BPI: variants seen among roughly 807,000 people sequenced by gnomAD.
BPI encodes bactericidal permeability increasing protein.
Under a neutral mutation model 57.6 loss-of-function variants are expected in BPI, and 48 were observed. That is an observed-to-expected ratio of 0.83 (90% CI 0.66 to 1.06). The LOEUF (loss-of-function observed/expected upper bound fraction) is 1.06. BPI is among the 50% of genes least tolerant of loss of function. The pLI is 0.00. For missense variants in BPI, 651 were observed against 609.7 expected (o/e 1.07, Z -0.71); for synonymous variants, 237 against 238.2 (o/e 0.99, Z 0.05).
chr20:38,324,088 C>A (rs752153243), intron 8 of BPI, 42 bp downstream of exon 8: 8 of 1,596,502 alleles, frequency 5.0e-6, no homozygotes, highest in East Asian at 2.2e-5. Flanking sequence ...AGCACTGGAC[C>A]CAGAATCCTG....
chr20:38,320,622 A>G (rs2076676727), intron 7 of BPI, among the ~76,000 whole-genome samples: 1 of 146,446 alleles, frequency 6.8e-6, no homozygotes, highest in Non-Finnish European at 1.5e-5. Flanking sequence ...TCGCTGAAAT[A>G]GCTCTCTCCT....
chr20:38,317,666 A>G lies in BPI; in HGVS notation c.601-747A>G. 2.6e-6 allele frequency: 2 copies of G among 770,034 alleles called. 1 individual carries two copies. The highest frequency in any genetic ancestry group is 2.9e-5 in the South Asian group (2 of 68,620). 47.7% of individuals were successfully genotyped at this position (770,034 alleles called of 1,614,324 possible). A position where few individuals can be genotyped will look rare whatever the true frequency, so the allele number is the denominator to read the frequency against. ...TCGGCAAGCCCAGATTCTAGTGGCA[A>G]GTTCACAGACTCCATCTCTTGGTGG... On this transcript the variant is annotated intron_variant, in intron 5 of 14. Coordinates refer to ENST00000642449, the MANE Select transcript of BPI (RefSeq NM_001725.3).
At chr20:38,311,205 A>C (rs2076620350) in intron 4 of BPI, among the ~76,000 whole-genome samples, 1 of 152,226 alleles carries the variant, frequency 6.6e-6, no homozygotes, top group African/African-American at 2.4e-5. Flanking sequence ...GATAGGCAAT[A>C]ACTTAAGTTG....
intron 5 of BPI, chr20:38,317,871 T>C: frequency 6.8e-7 from 1 of 1,473,756 alleles, no homozygotes; most frequent in Non-Finnish European, 9.0e-7. Flanking sequence ...TTGTGAGTCA[T>C]GGGCTAGGGG....
chr20:38,320,776 A>AC (rs898209738), intron 7 of BPI, among the ~76,000 whole-genome samples: 5 of 150,706 alleles, frequency 3.3e-5, no homozygotes, highest in African/African-American at 1.2e-4. Context: ...CATGTGCAGC[A>AC]CCTAGACCAA....
rs536372781 is a variant in BPI at position 38,320,060 on chromosome 20, A to C, written c.665-123A>C. 1.7e-5 allele frequency: 14 copies of C among 801,798 alleles called. No homozygotes were observed. The South Asian group carries it at 1.9e-4, about 11-fold the overall frequency. The allele number at this position is 801,798 out of a possible 1,614,324, so 49.7% of individuals were successfully genotyped here. A position where few individuals can be genotyped will look rare whatever the true frequency, so the allele number is the denominator to read the frequency against. On this transcript the variant is annotated intron_variant, in intron 6 of 14. Transcript: ENST00000642449. ...CTCCCTTAAGGAGAGCTCCCTGGAGAAGGTGGGAATGAAACTTGCACTGCA... is the reference window on the plus strand; with the variant it reads ...CTCCCTTAAGGAGAGCTCCCTGGAGCAGGTGGGAATGAAACTTGCACTGCA...
intron 8 of BPI, 111 bp downstream of exon 8, chr20:38,324,157 T>G: frequency 7.6e-7 from 1 of 1,317,022 alleles, no homozygotes; most frequent in African/African-American, 1.5e-5. Flanking sequence ...GTTAAAGTGT[T>G]GACTCTAGAG....
chr20:38,326,291 G>C lies in BPI; in HGVS notation c.1020G>C (p.Lys340Asn), dbSNP rs1825985409. ...PEVAKKFPNM[K>N]IQIHVSASTP... Reference sequence around the variant, plus strand: ...TGGCCAAGAAGTTTCCCAACATGAAGATACAGATCCATGTCTCAGCCTCCA... The same window carrying C: ...TGGCCAAGAAGTTTCCCAACATGAACATACAGATCCATGTCTCAGCCTCCA... Residue 340 changes from lysine to asparagine, a missense_variant, in exon 10 of 15, where the codon AAG becomes AAC. Coordinates refer to ENST00000642449, the MANE Select transcript of BPI (RefSeq NM_001725.3). The C allele has an allele frequency of 6.2e-7, 1 of 1,613,356 alleles. No individual in the cohort carries two copies. Among genetic ancestry groups the C allele is most frequent in the Non-Finnish European group, 8.5e-7 (1 of 1,179,738 alleles).
At chr20:38,315,200 G>A (rs1369475765) in intron 5 of BPI, among the ~76,000 whole-genome samples, 1 of 152,166 alleles carries the variant, frequency 6.6e-6, no homozygotes, top group Admixed American at 6.5e-5. Flanking sequence ...GATACAGAAA[G>A]TGGAAGTAAT....
intron 7 of BPI, among the ~76,000 whole-genome samples, chr20:38,321,054 A>AGTGGGTGG: frequency 6.3e-4 from 1 of 1,594 alleles, no homozygotes; most frequent in Non-Finnish European, 1.1e-3. Context: ...GGCGGATGTA[A>AGTGGGTGG]AGGTAGGTGG....
In BPI at chr20:38,308,096, A is replaced by G. The variant is rs111665301; in HGVS notation, c.245+415A>G. Among the ~76,000 whole-genome samples, 77 of 152,240 alleles carry G rather than the reference A, an allele frequency of 5.1e-4. 1 individual carries two copies. The highest frequency in any genetic ancestry group is 1.7e-3 in the African/African-American group (72 of 41,532). ...CCACCTCTCAGCATCACTTCCTTGGACAGGCCTAATTCGCAGGCAGTGTGT... is the reference window on the plus strand; with the variant it reads ...CCACCTCTCAGCATCACTTCCTTGGGCAGGCCTAATTCGCAGGCAGTGTGT... On this transcript the variant is annotated intron_variant, in intron 2 of 14. Transcript: ENST00000642449.
At chr20:38,329,625 A>G (rs2076732369) in intron 11 of BPI, among the ~76,000 whole-genome samples, 2 of 152,308 alleles carry the variant, frequency 1.3e-5, no homozygotes, top group South Asian at 4.1e-4. Flanking sequence ...CTGACTCTTG[A>G]GGAGCAAGGG....
chr20:38,311,991 C>A, intron 5 of BPI, 54 bp downstream of exon 5: 3 of 1,538,266 alleles, frequency 2.0e-6, no homozygotes, highest in Non-Finnish European at 2.7e-6. Flanking sequence ...CCCTTAGTAA[C>A]CACACACCTC....
At chr20:38,308,804 T>G in intron 2 of BPI, 126 bp from the exon 3 acceptor site, 1 of 1,308,000 alleles carries the variant, frequency 7.6e-7, no homozygotes, top group Non-Finnish European at 1.1e-6. Context: ...TTTGGGCTCC[T>G]CCTGGAATGG....
rs570718035 is a variant in BPI at position 38,337,307 on chromosome 20, G to A, written c.*123G>A. 24 of 780,700 alleles carry A rather than the reference G, an allele frequency of 3.1e-5. No homozygotes were observed. In the Admixed American group the frequency reaches 5.6e-4, roughly 18 times the overall value. The allele number at this position is 780,700 out of a possible 1,614,324, so 48.4% of individuals were successfully genotyped here. On this transcript the variant is annotated 3_prime_UTR_variant, in exon 15 of 15. Coordinates refer to ENST00000642449, the MANE Select transcript of BPI (RefSeq NM_001725.3). ...CCAAGAGCCCCTTGCAAACTTCTTC[G>A]ACTCAGATTCAGAAATGATCTAAAC...
intron 1 of BPI, among the ~76,000 whole-genome samples, chr20:38,306,731 G>A (rs978827590): frequency 2.6e-5 from 4 of 152,172 alleles, no homozygotes; most frequent in African/African-American, 9.7e-5. Context: ...GTGTAGCATA[G>A]AGCAAATAAC....
Position 38,326,366 on chromosome 20 carries a change from C to T in BPI, c.1095C>T (p.Ala365=), listed in dbSNP as rs144501421. 2.4e-5 allele frequency: 38 copies of T among 1,614,150 alleles called. No homozygotes were observed. Among genetic ancestry groups the T allele is most frequent in the East Asian group, 1.3e-4 (6 of 44,876 alleles). ...VQPTGLTFYP[A]VDVQAFAVLP... The stretch of plus-strand genomic sequence containing the variant: ...CCACCGGCCTTACCTTCTACCCTGC[C>T]GTGGATGTCCAGGCCTTTGCCGTCC... The change falls in exon 10 of 15, where the codon GCC becomes GCT. Residue 365 remains alanine, a synonymous_variant. Coordinates refer to ENST00000642449, the MANE Select transcript of BPI (RefSeq NM_001725.3).
At chr20:38,313,979 T>C (rs1600701261) in intron 5 of BPI, among the ~76,000 whole-genome samples, 1 of 151,374 alleles carries the variant, frequency 6.6e-6, no homozygotes, top group Middle Eastern at 3.5e-3. Context: ...ATAGTGAGGT[T>C]GATGGTGATT....
In BPI at chr20:38,335,644, G is replaced by A. The variant is rs771600243; in HGVS notation, c.1383G>A (p.Gln461=). 1 of 1,614,162 alleles carries A rather than the reference G, an allele frequency of 6.2e-7. No homozygotes were observed. Among genetic ancestry groups the A allele is most frequent in the Non-Finnish European group, 8.5e-7 (1 of 1,180,004 alleles). Residue 461 remains glutamine, a synonymous_variant, in exon 14 of 15, where the codon CAG becomes CAA. Coordinates refer to ENST00000642449, the MANE Select transcript of BPI (RefSeq NM_001725.3). ...GFPLPTPARV[Q]LYNVVLQPHQ... ...CTCTCCCGACGCCGGCCAGAGTCCAGCTCTACAACGTAGTGCTTCAGCCTC... is the reference window on the plus strand; with the variant it reads ...CTCTCCCGACGCCGGCCAGAGTCCAACTCTACAACGTAGTGCTTCAGCCTC...
Sources: gnomAD v4.1 joint callset for allele counts (sites outside exome capture counted in the v4.1 genomes callset) on GRCh38, gnomAD v4.1.1 for gene constraint, MANE v1.5 for transcripts, NCBI Gene and HGNC (gene_info 2026-07-23, HGNC 2026-07-21) for gene names.